Variants in RAPGEF3 observed in about 807,000 individuals in gnomAD.
RAPGEF3 encodes the protein 9330170P05Rik.
RAPGEF3 carries 103 observed loss-of-function variants against 129.8 expected under a neutral mutation model. The observed-to-expected ratio is 0.79, with a 90% CI of 0.68 to 0.93. The LOEUF is 0.93. Among genes scored for constraint, RAPGEF3 ranks in the 40% least tolerant of loss-of-function variants. The pLI, the probability that RAPGEF3 is intolerant of heterozygous loss-of-function variation, is 0.00. For missense variants in RAPGEF3, 1,117 were observed against 1,207.4 expected (o/e 0.93, Z 1.11); for synonymous variants, 436 against 482.6 (o/e 0.90, Z 1.26).
chr12:47,737,944 A>G, intron 27 of RAPGEF3, 78 bp downstream of exon 27: 1 of 1,522,950 alleles, frequency 6.6e-7, no homozygotes. Flanking sequence ...GCACATGGCA[A>G]GTGCCTAGGA....
intron 2 of RAPGEF3, among the ~76,000 whole-genome samples, chr12:47,755,262 A>G (rs1031847931): frequency 6.6e-6 from 1 of 152,194 alleles, no homozygotes; most frequent in Non-Finnish European, 1.5e-5. Context: ...TTTCACATCT[A>G]TAAAATGGAG....
chr12:47,758,174 C>A, intron 1 of RAPGEF3, 96 bp from the exon 2 acceptor site: 1 of 1,471,204 alleles, frequency 6.8e-7, no homozygotes, highest in Non-Finnish European at 9.0e-7. Flanking sequence ...TCCTTAGAGT[C>A]CTCTGGACTG....
intron 25 of RAPGEF3, 143 bp from the exon 26 acceptor site, chr12:47,738,390 G>T: frequency 1.8e-6 from 2 of 1,135,932 alleles, no homozygotes; most frequent in Non-Finnish European, 2.6e-6. Context: ...TGTGTACTTC[G>T]CCTCAGCACA....
intron 24 of RAPGEF3, 77 bp from the exon 25 acceptor site, chr12:47,738,831 C>G: frequency 7.5e-7 from 1 of 1,328,926 alleles, no homozygotes; most frequent in African/African-American, 1.4e-5. Flanking sequence ...AAGGGCATAA[C>G]GGCTCCCTTG....
chr12:47,748,561 C>T lies in RAPGEF3; in HGVS notation c.1155-19G>A. On this transcript the variant is annotated intron_variant, in intron 11 of 27. Transcript: ENST00000449771. Reference sequence around the variant, plus strand: ...TGTATACCTAGCAGAAATGGCCAATCTTTGGCACTGGTGCCACTACTCCCC... The same window carrying T: ...TGTATACCTAGCAGAAATGGCCAATTTTTGGCACTGGTGCCACTACTCCCC... 6.3e-7 allele frequency: 1 copy of T among 1,596,630 alleles called. No homozygotes were observed. Among genetic ancestry groups the T allele is most frequent in the Non-Finnish European group, 8.6e-7 (1 of 1,165,156 alleles).
At chr12:47,737,943 A>G in intron 27 of RAPGEF3, 79 bp downstream of exon 27, 1 of 1,530,774 alleles carries the variant, frequency 6.5e-7, no homozygotes, top group Non-Finnish European at 9.0e-7. Flanking sequence ...GGCACATGGC[A>G]AGTGCCTAGG....
intron 16 of RAPGEF3, chr12:47,745,819 G>A (rs2238143): frequency 0.13 from 19,252 of 152,278 alleles, 1,630 homozygotes; most frequent in East Asian, 0.33. Context: ...CGCAGTGCCC[G>A]GCCTGCGAGG....
chr12:47,751,463 G>A lies in RAPGEF3; in HGVS notation c.438C>T (p.Val146=). The A allele has an allele frequency of 1.2e-6, 2 of 1,614,190 alleles. No homozygotes were observed. The highest frequency in any genetic ancestry group is 1.7e-6 in the Non-Finnish European group (2 of 1,180,020). ...VDGILALGLG[V]HSRSQVVGIC... is the part of the protein sequence containing the mutation. ...TTCCCACAACTTGGCTCCGGGAATG[G>A]ACCCCAAGTCCCAGGGCCAAGATCC... Residue 146 remains valine, a synonymous_variant, in exon 5 of 28, where the codon GTC becomes GTT. Transcript: ENST00000449771.
intron 6 of RAPGEF3, 80 bp from the exon 7 acceptor site, chr12:47,750,505 G>A (rs1241230632): frequency 8.5e-6 from 11 of 1,301,402 alleles, no homozygotes; most frequent in African/African-American, 2.9e-5. Context: ...CCACCCAGCC[G>A]ATGCCTGTGC....
intron 6 of RAPGEF3, 83 bp from the exon 7 acceptor site, chr12:47,750,508 G>T: frequency 7.9e-7 from 1 of 1,265,912 alleles, no homozygotes; most frequent in Non-Finnish European, 1.1e-6. Context: ...CCCAGCCGAT[G>T]CCTGTGCCAG....
intron 2 of RAPGEF3, among the ~76,000 whole-genome samples, chr12:47,753,428 C>T (rs1394747049): frequency 6.6e-6 from 1 of 152,216 alleles, no homozygotes; most frequent in Non-Finnish European, 1.5e-5. Flanking sequence ...TGCAGTACAA[C>T]CAGTCCTGGT....
chr12:47,752,244 C>T (rs975281414), intron 2 of RAPGEF3, among the ~76,000 whole-genome samples: 21 of 152,198 alleles, frequency 1.4e-4, no homozygotes, highest in African/African-American at 5.1e-4. Flanking sequence ...TTACTCAGGG[C>T]CCAGGTGTGC....
chr12:47,740,336 G>A lies in RAPGEF3; in HGVS notation c.2291C>T (p.Ser764Leu), dbSNP rs772059743. 6 of 1,613,998 alleles carry A rather than the reference G, an allele frequency of 3.7e-6. No individual in the cohort carries two copies. Among genetic ancestry groups the A allele is most frequent in the African/African-American group, 2.7e-5 (2 of 74,938 alleles). The change falls in exon 22 of 28, where the codon TCG (serine) becomes TTG (leucine). Residue 764 changes from serine to leucine, a missense_variant. Ser to Leu is a moderately radical substitution (Grantham distance 145, BLOSUM62 -2). Transcript: ENST00000449771. ...FFAVMFGLSNSAISRLAHTWE... is the reference protein window; with the variant it reads ...FFAVMFGLSNLAISRLAHTWE... ...GGTGTGGGCTAGGCGGCTGATGGCC[G>A]AGTTGCTGAGGCCAAACATGACGGC... is the stretch of plus-strand genomic sequence containing the variant.
chr12:47,752,928 C>G (rs1445803817), intron 2 of RAPGEF3: 1 of 152,184 alleles, frequency 6.6e-6, no homozygotes, highest in Non-Finnish European at 1.5e-5. Context: ...CCATTTGGAA[C>G]TCCCGGGCCT....
chr12:47,741,039 A>G lies in RAPGEF3; in HGVS notation c.1925T>C (p.Ile642Thr). Residue 642 changes from isoleucine (I) to threonine (T), a missense_variant and splice_region_variant, in exon 20 of 28, where the codon ATC becomes ACC. Physicochemically the swap from Ile to Thr is moderately conservative, Grantham distance 89 (BLOSUM62 -1). Transcript: ENST00000449771. ...GGGCCCCAGCTGGTCAGGGTGTGGGATCTGCGGGTGGGAGAGTGCTCAGGG... is the reference window on the plus strand; with the variant it reads ...GGGCCCCAGCTGGTCAGGGTGTGGGGTCTGCGGGTGGGAGAGTGCTCAGGG... ...VVNPQEVHEL[I>T]PHPDQLGPTV... The G allele has an allele frequency of 6.2e-7, 1 of 1,612,292 alleles. No homozygotes were observed. The highest frequency in any genetic ancestry group is 8.5e-7 in the Non-Finnish European group (1 of 1,179,412).
chr12:47,757,842 C>T, intron 2 of RAPGEF3, 24 bp downstream of exon 2: 1 of 1,543,612 alleles, frequency 6.5e-7, no homozygotes, highest in Non-Finnish European at 8.7e-7. Flanking sequence ...GGCCCTGGCA[C>T]CTGGGCAGGT....
chr12:47,750,528 C>A, intron 6 of RAPGEF3, 103 bp from the exon 7 acceptor site: 1 of 975,594 alleles, frequency 1.0e-6, no homozygotes, highest in South Asian at 1.5e-5. Flanking sequence ...GACGGTGCCT[C>A]AGCAGTGACA....
chr12:47,747,746 A>G lies in RAPGEF3; in HGVS notation c.1439T>C (p.Leu480Pro), dbSNP rs760140612. 2.5e-6 allele frequency: 4 copies of G among 1,609,872 alleles called. No homozygotes were observed. The highest frequency in any genetic ancestry group is 3.4e-6 in the Non-Finnish European group (4 of 1,179,988). The change falls in exon 14 of 28, where the codon CTC becomes CCC. Residue 480 changes from leucine (L) to proline (P), a missense_variant. By Grantham distance (98) the Leu-to-Pro change is moderately conservative. Coordinates refer to ENST00000449771, the MANE Select transcript of RAPGEF3 (RefSeq NM_001098531.4). ...SQWVALYGSM[L>P]HTDPVATSFL... ...GCTGGTGGCCACAGGGTCAGTGTGG[A>G]GCATGGAGCCATACAGGGCCACCCA...
At position 47,741,055 on chromosome 12, in the gene RAPGEF3, G is replaced by A; in HGVS notation, c.1924-15C>T. ...GGGTGTGGGATCTGCGGGTGGGAGA[G>A]TGCTCAGGGGGCTGCCTGAGGAATC... On this transcript the variant is annotated splice_polypyrimidine_tract_variant and intron_variant, in intron 19 of 27. Coordinates refer to ENST00000449771, the MANE Select transcript of RAPGEF3 (RefSeq NM_001098531.4). The A allele has an allele frequency of 6.2e-7, 1 of 1,611,248 alleles. No homozygotes were observed. Among genetic ancestry groups the A allele is most frequent in the East Asian group, 2.2e-5 (1 of 44,818 alleles).
Sources: allele counts gnomAD v4.1 joint callset (sites outside exome capture counted in the v4.1 genomes callset), GRCh38; gene constraint gnomAD v4.1.1; transcripts MANE v1.5; gene names NCBI Gene and HGNC (gene_info 2026-07-23, HGNC 2026-07-21).